SARAF: variants seen among roughly 807,000 people sequenced by gnomAD.
The protein encoded by SARAF is store-operated calcium entry-associated regulatory factor.
A neutral mutation model predicts 39.7 loss-of-function variants in SARAF; 23 were observed. The observed-to-expected ratio is 0.58, with a 90% CI of 0.42 to 0.82. The LOEUF (loss-of-function observed/expected upper bound fraction) is 0.82, where lower values mean the gene tolerates loss of function less well. SARAF is among the 40% of genes least tolerant of loss of function. The probability of loss-of-function intolerance (pLI) is 0.00; values close to 1 mark genes in which losing one functional copy is unlikely to be tolerated. For missense variants in SARAF, 384 were observed against 418.5 expected (o/e 0.92, Z 0.72); for synonymous variants, 175 against 168.5 (o/e 1.04, Z -0.30).
At chr8:30,073,767 C>T (rs1377590570) in intron 2 of SARAF, 110 bp downstream of exon 2, 2 of 870,152 alleles carry the variant, frequency 2.3e-6, no homozygotes, top group Admixed American at 2.4e-5. Flanking sequence ...ATATTTTAGG[C>T]TGATCTGAGA....
intron 1 of SARAF, among the ~76,000 whole-genome samples, chr8:30,078,936 C>T (rs1187524405): frequency 6.6e-6 from 1 of 152,016 alleles, no homozygotes; most frequent in Admixed American, 6.6e-5. Flanking sequence ...GAGGGCAGAT[C>T]ACCTAAGGTC....
chr8:30,067,061 A>C, intron 3 of SARAF, 143 bp from the exon 4 acceptor site: 1 of 851,546 alleles, frequency 1.2e-6, no homozygotes, highest in Non-Finnish European at 1.8e-6. Flanking sequence ...AGTTGTATTC[A>C]AAAAGGTATT....
intron 3 of SARAF, among the ~76,000 whole-genome samples, chr8:30,069,120 T>C (rs1431108959): frequency 6.7e-6 from 1 of 148,266 alleles, no homozygotes; most frequent in Non-Finnish European, 1.5e-5. Context: ...AGAGTATTTA[T>C]AATTTAATCA....
intron 1 of SARAF, among the ~76,000 whole-genome samples, chr8:30,077,928 TCAGGAGTTCGAGAC>T (rs1802004758): frequency 6.6e-6 from 1 of 151,122 alleles, no homozygotes; most frequent in Non-Finnish European, 1.5e-5. Flanking sequence ...GATCACAAGG[TCAGGAGTTCGAGAC>T]CAGTCTGGCA....
chr8:30,069,601 T>C (rs1349398999), intron 3 of SARAF, 41 bp downstream of exon 3: 1 of 1,530,036 alleles, frequency 6.5e-7, no homozygotes, highest in East Asian at 2.2e-5. Context: ...TGCACTAACC[T>C]CACACCCGCT....
chr8:30,082,779 G>A, intron 1 of SARAF, 68 bp downstream of exon 1: 1 of 1,273,386 alleles, frequency 7.9e-7, no homozygotes, highest in Non-Finnish European at 1.1e-6. Context: ...AAACGCAGGG[G>A]AGCCTGCACC....
chr8:30,074,133 C>T (rs1801906258), intron 1 of SARAF, 78 bp from the exon 2 acceptor site: 8 of 1,486,552 alleles, frequency 5.4e-6, no homozygotes, highest in South Asian at 3.8e-5. Flanking sequence ...ACGAAACTCT[C>T]GTCATAGGAA....
rs1202938570 is a variant in SARAF, at chr8:30,073,931, A to G, written c.228T>C (p.Tyr76=). The G allele has an allele frequency of 5.6e-6, 9 of 1,614,224 alleles. No homozygotes were observed. Among genetic ancestry groups the G allele is most frequent in the Admixed American group, 1.7e-5 (1 of 60,022 alleles). The part of the protein sequence containing the change: ...CVGGTAGCDS[Y]TPKVIQCQNK... ...TCTGACACTGTATGACTTTTGGGGT[A>G]TAAGAATCACAACCAGCTGTGCCTC... The change falls in exon 2 of 6, where the codon TAT becomes TAC. Residue 76 remains tyrosine (Y), a synonymous_variant. Transcript: ENST00000256255.
intron 1 of SARAF, among the ~76,000 whole-genome samples, chr8:30,076,005 C>CCAAAAAAAAAAAAAAAAAAAAAAAAA (rs1801955438): frequency 1.8e-5 from 2 of 111,032 alleles, no homozygotes; most frequent in Non-Finnish European, 3.3e-5. Flanking sequence ...AAAAAAAAAA[C>CCAAAAAAAAAAAAAAAAAAAAAAAAA]AAAAAACGGG....
In SARAF at chr8:30,064,063, G is replaced by A; in HGVS notation, c.995-150C>T. 5 of 662,020 alleles carry A rather than the reference G, an allele frequency of 7.6e-6. No homozygotes were observed. The East Asian group carries it at 1.4e-4, about 18-fold the overall frequency. 41.0% of individuals were successfully genotyped at this position (662,020 alleles called of 1,614,324 possible). ...CCACTAGGTGGAACTGGGCTAAGCA[G>A]GACAGTGCATCGCCTCCCACAGCAA... On this transcript the variant is annotated intron_variant, in intron 5 of 5. Coordinates refer to ENST00000256255, the MANE Select transcript of SARAF (RefSeq NM_016127.6).
Position 30,074,015 on chromosome 8 carries a change from G to A in SARAF, c.144C>T (p.His48=). ...TGCGGGAGGTGGTATAGCGGTCATA[G>A]TGGAGGGTAAGAGCTTTTACATCCC... is the stretch of plus-strand genomic sequence containing the variant. The part of the protein sequence containing the change: ...LLRDVKALTL[H]YDRYTTSRRL... The change falls in exon 2 of 6, where the codon CAC becomes CAT. Residue 48 remains histidine (H), a synonymous_variant. Coordinates refer to ENST00000256255, the MANE Select transcript of SARAF (RefSeq NM_016127.6). 6.2e-7 allele frequency: 1 copy of A among 1,614,100 alleles called. No individual in the cohort carries two copies. Among genetic ancestry groups the A allele is most frequent in the Non-Finnish European group, 8.5e-7 (1 of 1,179,962 alleles).
chr8:30,064,009 A>T, intron 5 of SARAF, 96 bp from the exon 6 acceptor site: 1 of 1,097,778 alleles, frequency 9.1e-7, no homozygotes, highest in Non-Finnish European at 1.3e-6. Context: ...TCAGCAAATG[A>T]ATGAGATAGG....
At chr8:30,076,389 A>T (rs956323216) in intron 1 of SARAF, among the ~76,000 whole-genome samples, 2 of 152,224 alleles carry the variant, frequency 1.3e-5, no homozygotes, top group South Asian at 2.1e-4. Context: ...AACCAAGAAG[A>T]AGTACCTAAA....
chr8:30,073,869 GA>G lies in SARAF; in HGVS notation c.282+7del, dbSNP rs771856793. On this transcript the variant is annotated splice_region_variant and intron_variant, in intron 2 of 5. Coordinates refer to ENST00000256255, the MANE Select transcript of SARAF (RefSeq NM_016127.6). ...CATTTAGACTGCCATTACTGTAGTG[GA>G]TATTACCTGTACATCATACCCATCC... 3 of 1,613,320 alleles carry G rather than the reference GA, an allele frequency of 1.9e-6. No individual in the cohort carries two copies. The South Asian group carries it at 3.3e-5, about 18-fold the overall frequency.
chr8:30,080,148 CAG>C (rs1802064803), intron 1 of SARAF, among the ~76,000 whole-genome samples: 1 of 152,222 alleles, frequency 6.6e-6, no homozygotes, highest in African/African-American at 2.4e-5. Context: ...ACCTTCCAAA[CAG>C]GTGACAAGAG....
In SARAF at chr8:30,063,795, C is replaced by G. The variant is rs773085613; in HGVS notation, c.*93G>C. On this transcript the variant is annotated 3_prime_UTR_variant, in exon 6 of 6. Coordinates refer to ENST00000256255, the MANE Select transcript of SARAF (RefSeq NM_016127.6). ...ACAGAACTTTTGAATATCCCCTTTT[C>G]CCAATTGTTAACAGGTAGTACTTTT... 9.2e-7 allele frequency: 1 copy of G among 1,088,198 alleles called. No individual in the cohort carries two copies. Among genetic ancestry groups the G allele is most frequent in the Admixed American group, 1.7e-5 (1 of 58,124 alleles). The allele number at this position is 1,088,198 out of a possible 1,614,324, so 67.4% of individuals were successfully genotyped here.
chr8:30,072,669 G>C (rs921771122), intron 2 of SARAF, among the ~76,000 whole-genome samples: 4 of 152,204 alleles, frequency 2.6e-5, no homozygotes, highest in African/African-American at 7.2e-5. Context: ...CTACTAAATG[G>C]CCTCTCTCCT....
chr8:30,065,885 A>G (rs1801671087), intron 5 of SARAF, 103 bp downstream of exon 5: 2 of 1,386,128 alleles, frequency 1.4e-6, no homozygotes, highest in Admixed American at 3.5e-5. Context: ...TAGGTACACC[A>G]AATAAAACCA....
At chr8:30,078,199 G>T (rs776033850) in intron 1 of SARAF, 1 of 288,714 alleles carries the variant, frequency 3.5e-6, no homozygotes, top group African/African-American at 2.7e-5. Context: ...AAAAAAGAAA[G>T]AAAGAAAATT....
Sources: allele counts gnomAD v4.1 joint callset (sites outside exome capture counted in the v4.1 genomes callset), GRCh38; gene constraint gnomAD v4.1.1; transcripts MANE v1.5; gene names NCBI Gene and HGNC (gene_info 2026-07-23, HGNC 2026-07-21).